Variants in SLC4A7 observed in about 807,000 individuals in gnomAD.
SLC4A7 encodes the protein solute carrier family 4 member 7, also known as sodium bicarbonate cotransporter 3.
Under a neutral mutation model 137.6 loss-of-function variants are expected in SLC4A7, and 51 were observed. That is an observed-to-expected ratio of 0.37 (90% CI 0.30 to 0.47). The LOEUF (loss-of-function observed/expected upper bound fraction) is 0.47, where lower values mean the gene tolerates loss of function less well. Ranked by LOEUF, SLC4A7 falls within the 20% of genes least tolerant of loss-of-function variation. SLC4A7 has a pLI of 1.00. For missense variants in SLC4A7, 1,247 were observed against 1,525.4 expected (o/e 0.82, Z 3.04); for synonymous variants, 542 against 518.6 (o/e 1.05, Z -0.61).
chr3:27,474,939 C>A (rs2059403205), intron 1 of SLC4A7, among the ~76,000 whole-genome samples: 1 of 151,960 alleles, frequency 6.6e-6, no homozygotes, highest in Non-Finnish European at 1.5e-5. Context: ...GAAACCCCAT[C>A]TCTACTACAA....
chr3:27,420,049 C>T (rs1303023867), intron 10 of SLC4A7, among the ~76,000 whole-genome samples: 4 of 151,782 alleles, frequency 2.6e-5, no homozygotes, highest in Non-Finnish European at 4.4e-5. Flanking sequence ...ATTAGCTGGG[C>T]ATGGTGGGGT....
chr3:27,472,995 G>A (rs567258277), intron 1 of SLC4A7, among the ~76,000 whole-genome samples: 1 of 151,692 alleles, frequency 6.6e-6, no homozygotes, highest in Admixed American at 6.6e-5. Context: ...CAGGGGAATC[G>A]TTTGAATCTG....
intron 10 of SLC4A7, among the ~76,000 whole-genome samples, chr3:27,420,155 C>T (rs1020178537): frequency 2.0e-5 from 3 of 148,906 alleles, no homozygotes; most frequent in Non-Finnish European, 3.0e-5. Flanking sequence ...CAGAGTGAGA[C>T]TCTGTCTCAA....
intron 14 of SLC4A7, among the ~76,000 whole-genome samples, chr3:27,403,841 C>T (rs1014062280): frequency 6.6e-6 from 1 of 152,290 alleles, no homozygotes; most frequent in African/African-American, 2.4e-5. Context: ...CTACCCTCCT[C>T]TCCCACCATT....
At chr3:27,381,133 C>A (rs979501881) in intron 24 of SLC4A7, among the ~76,000 whole-genome samples, 2 of 152,190 alleles carry the variant, frequency 1.3e-5, no homozygotes, top group African/African-American at 4.8e-5. Context: ...TCCTGGCATT[C>A]CTGATGGAAA....
Position 27,411,762 on chromosome 3 carries a change from A to G in SLC4A7, c.1660-14T>C. 3 of 1,424,424 alleles carry G rather than the reference A, an allele frequency of 2.1e-6. No individual in the cohort carries two copies. The highest frequency in any genetic ancestry group is 2.9e-6 in the Non-Finnish European group (3 of 1,050,578). 88.2% of individuals were successfully genotyped at this position (1,424,424 alleles called of 1,614,324 possible). A position where few individuals can be genotyped will look rare whatever the true frequency, so the allele number is the denominator to read the frequency against. On this transcript the variant is annotated splice_polypyrimidine_tract_variant and intron_variant, in intron 11 of 25. Coordinates refer to ENST00000454389, the MANE Select transcript of SLC4A7 (RefSeq NM_001321103.2). The stretch of plus-strand genomic sequence containing the variant: ...CTTTCTCTTTTCCTGAATTTCACAA[A>G]AAACATTATTTTCAGAATTCTATTT...
intron 3 of SLC4A7, among the ~76,000 whole-genome samples, chr3:27,438,683 CAACAT>C (rs1252104058): frequency 1.4e-5 from 2 of 144,756 alleles, no homozygotes; most frequent in Non-Finnish European, 3.1e-5. Flanking sequence ...AAAAATAACA[CAACAT>C]AACATAAAAT....
intron 1 of SLC4A7, among the ~76,000 whole-genome samples, chr3:27,468,490 G>A (rs1200762631): frequency 6.6e-6 from 1 of 152,158 alleles, no homozygotes; most frequent in East Asian, 1.9e-4. Context: ...AGGATTGCTT[G>A]AGCCCAGGAG....
chr3:27,484,031 C>A (rs1343613294), intron 1 of SLC4A7, 36 bp downstream of exon 1: 1 of 1,372,142 alleles, frequency 7.3e-7, no homozygotes, highest in Admixed American at 2.9e-5. Context: ...CGCGCCCTCC[C>A]CCTGCGGAGG....
At chr3:27,480,511 T>TAA (rs1030313122) in intron 1 of SLC4A7, among the ~76,000 whole-genome samples, 1 of 152,172 alleles carries the variant, frequency 6.6e-6, no homozygotes, top group African/African-American at 2.4e-5. Context: ...GTTACAGGCA[T>TAA]AAGCCACAGC....
chr3:27,406,799 G>A (rs1394601050), intron 13 of SLC4A7, among the ~76,000 whole-genome samples: 1 of 151,242 alleles, frequency 6.6e-6, no homozygotes, highest in East Asian at 1.9e-4. Flanking sequence ...AGGCGTGGTG[G>A]TACACACCTA....
At chr3:27,472,489 T>C (rs1467125670) in intron 1 of SLC4A7, among the ~76,000 whole-genome samples, 5 of 151,584 alleles carry the variant, frequency 3.3e-5, no homozygotes, top group Admixed American at 2.6e-4. Context: ...TATATACATA[T>C]AAATAAAAAT....
intron 11 of SLC4A7, among the ~76,000 whole-genome samples, chr3:27,416,799 A>G (rs1357264532): frequency 5.3e-5 from 8 of 152,242 alleles, no homozygotes; most frequent in African/African-American, 1.9e-4. Flanking sequence ...AAACTTGACA[A>G]CATTCTTTAA....
chr3:27,400,938 T>C (rs1193108161), intron 15 of SLC4A7, 69 bp from the exon 16 acceptor site: 7 of 860,470 alleles, frequency 8.1e-6, no homozygotes, highest in Non-Finnish European at 1.1e-5. Flanking sequence ...CTAAATCAAT[T>C]ATACAATGTG....
In SLC4A7 at chr3:27,394,697, G is replaced by C. The variant is rs577061142; in HGVS notation, c.2938C>G (p.Pro980Ala). 7 of 1,614,124 alleles carry C rather than the reference G, an allele frequency of 4.3e-6. No homozygotes were observed. In the African/African-American group the frequency reaches 9.3e-5, roughly 22 times the overall value. Residue 980 changes from proline (P) to alanine (A), a missense_variant, in exon 20 of 26, where the codon CCA becomes GCA. Pro to Ala is a conservative substitution (Grantham distance 27, BLOSUM62 -1). This residue lies in a region of SLC4A7 where 48 missense variants were observed against 97.2 expected (regional missense o/e 0.49). Coordinates refer to ENST00000454389, the MANE Select transcript of SLC4A7 (RefSeq NM_001321103.2). Reference protein sequence around the residue: ...MLGVCSVMGLPWFVAATVLSI... With the variant: ...MLGVCSVMGLAWFVAATVLSI... The stretch of plus-strand genomic sequence containing the variant: ...AACACTGTTGCAGCCACAAACCATG[G>C]AAGTCCCATGACAGAGCAAACTCCC...
At chr3:27,395,587 G>A (rs1381951042) in intron 18 of SLC4A7, among the ~76,000 whole-genome samples, 1 of 152,076 alleles carries the variant, frequency 6.6e-6, no homozygotes, top group African/African-American at 2.4e-5. Flanking sequence ...GGTTCCCCAG[G>A]CAACTATTCC....
intron 2 of SLC4A7, among the ~76,000 whole-genome samples, chr3:27,450,774 TTTTC>T (rs2058024052): frequency 6.6e-6 from 1 of 152,116 alleles, no homozygotes; most frequent in African/African-American, 2.4e-5. Flanking sequence ...GTTTTAATCT[TTTTC>T]TTTTTCTTTC....
intron 1 of SLC4A7, chr3:27,456,723 G>T (rs779832214): frequency 6.2e-7 from 1 of 1,605,718 alleles, no homozygotes; most frequent in South Asian, 1.1e-5. Context: ...ATGTAATGCA[G>T]TAACTCCCTT....
At position 27,376,713 on chromosome 3, in the gene SLC4A7, C is replaced by T; in HGVS notation, c.*51G>A. 1.9e-6 allele frequency: 2 copies of T among 1,050,092 alleles called. No individual in the cohort carries two copies. Among genetic ancestry groups the T allele is most frequent in the East Asian group, 4.9e-5 (2 of 40,828 alleles). The allele number at this position is 1,050,092 out of a possible 1,614,324, so 65.0% of individuals were successfully genotyped here. On this transcript the variant is annotated 3_prime_UTR_variant, in exon 26 of 26. Coordinates refer to ENST00000454389, the MANE Select transcript of SLC4A7 (RefSeq NM_001321103.2). ...TTCTTATATATAGTGACATGATACG[C>T]ACACATTACATATGTATATATCTAT...
Sources: allele counts gnomAD v4.1 joint callset (sites outside exome capture counted in the v4.1 genomes callset), GRCh38; gene constraint gnomAD v4.1.1; regional missense constraint gnomAD v4.1.1; transcripts MANE v1.5; gene names NCBI Gene and HGNC (gene_info 2026-07-23, HGNC 2026-07-21).